The following MINPP1 variants were observed in gnomAD, a reference collection of about 807,000 sequenced individuals.
MINPP1 encodes the protein multiple inositol-polyphosphate phosphatase 1, also known as multiple inositol polyphosphate phosphatase 1.
A neutral mutation model predicts 46.1 loss-of-function variants in MINPP1; 28 were observed. That is an observed-to-expected ratio of 0.61 (90% CI 0.45 to 0.83). The LOEUF (loss-of-function observed/expected upper bound fraction) is 0.83. Among genes scored for constraint, MINPP1 ranks in the 40% least tolerant of loss-of-function variants. The pLI is 0.00. For missense variants in MINPP1, 603 were observed against 610.0 expected (o/e 0.99, Z 0.12); for synonymous variants, 268 against 249.1 (o/e 1.08, Z -0.72).
chr10:87,550,526 A>G (rs1041704959), intron 4 of MINPP1, among the ~76,000 whole-genome samples: 20 of 151,848 alleles, frequency 1.3e-4, no homozygotes, highest in Admixed American at 4.6e-4. Flanking sequence ...TTTCTAGCGT[A>G]CTCTTATATA....
Position 87,513,020 on chromosome 10 carries a change from C to A in MINPP1, c.836-104C>A. 3.8e-6 allele frequency: 3 copies of A among 788,994 alleles called. No individual in the cohort carries two copies. In the Admixed American group the frequency reaches 5.8e-5, roughly 15 times the overall value. 48.9% of individuals were successfully genotyped at this position (788,994 alleles called of 1,614,324 possible). A position where few individuals can be genotyped will look rare whatever the true frequency, so the allele number is the denominator to read the frequency against. ...TATTTCTTCCCCAAACTGAAGATGT[C>A]CATTTTATTGAGCTGTACCACACAT... is the stretch of plus-strand genomic sequence containing the variant. On this transcript the variant is annotated intron_variant, in intron 2 of 4. Transcript: ENST00000371996.
intron 4 of MINPP1, among the ~76,000 whole-genome samples, chr10:87,529,638 T>G (rs528376987): frequency 6.6e-6 from 1 of 152,246 alleles, no homozygotes; most frequent in East Asian, 1.9e-4. Context: ...CCCTTAACAT[T>G]TTTTCCTTCA....
At chr10:87,544,764 G>A (rs1427410644) in intron 4 of MINPP1, among the ~76,000 whole-genome samples, 1 of 152,064 alleles carries the variant, frequency 6.6e-6, no homozygotes, top group East Asian at 1.9e-4. Context: ...TTTATGAATA[G>A]TAATACTTTA....
chr10:87,514,090 G>A (rs905389450), intron 3 of MINPP1, among the ~76,000 whole-genome samples: 1 of 151,890 alleles, frequency 6.6e-6, no homozygotes, highest in Non-Finnish European at 1.5e-5. Flanking sequence ...TCTCCATCTC[G>A]AGATTCATAA....
chr10:87,547,186 A>C (rs1851899711), intron 4 of MINPP1, among the ~76,000 whole-genome samples: 1 of 152,022 alleles, frequency 6.6e-6, no homozygotes, highest in Non-Finnish European at 1.5e-5. Context: ...ATCTTGGCTC[A>C]CTGTGACCAC....
At chr10:87,515,180 A>G (rs1412796624) in intron 3 of MINPP1, among the ~76,000 whole-genome samples, 1 of 151,834 alleles carries the variant, frequency 6.6e-6, no homozygotes, top group African/African-American at 2.4e-5. Flanking sequence ...TGAGGTTAGG[A>G]GTTCGAGACC....
chr10:87,521,707 C>T (rs1405245626), intron 4 of MINPP1, among the ~76,000 whole-genome samples: 3 of 152,170 alleles, frequency 2.0e-5, no homozygotes, highest in East Asian at 1.9e-4. Context: ...CTACTCTTGT[C>T]AGTGGGCATT....
In MINPP1 at chr10:87,552,028, A is replaced by G. The variant is rs948547263; in HGVS notation, c.1068-54A>G. The G allele has an allele frequency of 9.5e-6, 13 of 1,363,774 alleles. 1 individual carries two copies. The highest frequency in any genetic ancestry group is 7.3e-5 in the African/African-American group (5 of 68,152). 84.5% of individuals were successfully genotyped at this position (1,363,774 alleles called of 1,614,324 possible). On this transcript the variant is annotated intron_variant, in intron 4 of 4. Transcript: ENST00000371996. ...GAAGTTACTCCTAAGTGTAAATACT[A>G]TGTTCTATGACATTAATATATATAC...
intron 4 of MINPP1, among the ~76,000 whole-genome samples, chr10:87,542,620 T>G (rs1851831894): frequency 6.6e-6 from 1 of 152,110 alleles, no homozygotes; most frequent in Non-Finnish European, 1.5e-5. Context: ...TCTTAAAGCT[T>G]CAAAACAGTT....
In MINPP1 at chr10:87,553,292, G is replaced by C. The variant is rs975191211; in HGVS notation, c.*814G>C. 4 of 151,874 alleles carry C rather than the reference G, an allele frequency of 2.6e-5. No individual in the cohort carries two copies. Among genetic ancestry groups the C allele is most frequent in the African/African-American group, 9.7e-5 (4 of 41,358 alleles). 9.4% of individuals were successfully genotyped at this position (151,874 alleles called of 1,614,324 possible). Reference sequence around the variant, plus strand: ...CCTATTATATGAAATGTATCTTTTGGTTGTTTGATTTTTCTTTCTTTCTTT... The same window carrying C: ...CCTATTATATGAAATGTATCTTTTGCTTGTTTGATTTTTCTTTCTTTCTTT... On this transcript the variant is annotated 3_prime_UTR_variant, in exon 5 of 5. Coordinates refer to ENST00000371996, the MANE Select transcript of MINPP1 (RefSeq NM_004897.5).
At chr10:87,530,468 T>C (rs924233357) in intron 4 of MINPP1, among the ~76,000 whole-genome samples, 1 of 152,202 alleles carries the variant, frequency 6.6e-6, no homozygotes, top group African/African-American at 2.4e-5. Context: ...TGGAGTTTGC[T>C]GGAGGTCCAC....
rs144510057 is a variant in MINPP1 at position 87,523,343 on chromosome 10, A to T, written c.1067+2174A>T. Reference sequence around the variant, plus strand: ...CTTAAATAAATAATATTTCTCTGTCATATGAAATTTCTGTTTTTTTTTTTT... The same window carrying T: ...CTTAAATAAATAATATTTCTCTGTCTTATGAAATTTCTGTTTTTTTTTTTT... On this transcript the variant is annotated intron_variant, in intron 4 of 4. Transcript: ENST00000371996. Among the ~76,000 whole-genome samples the T allele has an allele frequency of 3.3e-3, 489 of 146,922 alleles. 3 individuals carry two copies. The highest frequency in any genetic ancestry group is 0.012 in the African/African-American group (450 of 38,476).
chr10:87,521,915 G>T (rs193180839), intron 4 of MINPP1, among the ~76,000 whole-genome samples: 1 of 152,188 alleles, frequency 6.6e-6, no homozygotes, highest in East Asian at 1.9e-4. Flanking sequence ...AAACTTCTGG[G>T]CTCAAGGAAT....
At chr10:87,535,354 C>T (rs1851718875) in intron 4 of MINPP1, among the ~76,000 whole-genome samples, 2 of 152,200 alleles carry the variant, frequency 1.3e-5, no homozygotes, top group South Asian at 4.1e-4. Context: ...CATGTAAAGA[C>T]ACATTTATCT....
In MINPP1 at chr10:87,504,949, T is replaced by A. The variant is rs747880842; in HGVS notation, c.34T>A (p.Ser12Thr). The A allele has an allele frequency of 8.7e-6, 14 of 1,611,522 alleles. No individual in the cohort carries two copies. The highest frequency in any genetic ancestry group is 1.7e-5 in the Admixed American group (1 of 59,920). Residue 12 changes from serine (S) to threonine (T), a missense_variant, in exon 1 of 5, where the codon TCC becomes ACC. Ser to Thr is a moderately conservative substitution (Grantham distance 58). Coordinates refer to ENST00000371996, the MANE Select transcript of MINPP1 (RefSeq NM_004897.5). The stretch of plus-strand genomic sequence containing the variant: ...CGCGCCCGGCTGCCTCCTCCGGACC[T>A]CCGTAGCGCCTGCCGCGGCCCTGGC... Reference protein sequence around the residue: ...LRAPGCLLRTSVAPAAALAAA... With the variant: ...LRAPGCLLRTTVAPAAALAAA...
At chr10:87,539,017 T>G (rs1176091578) in intron 4 of MINPP1, among the ~76,000 whole-genome samples, 2 of 152,208 alleles carry the variant, frequency 1.3e-5, no homozygotes, top group African/African-American at 4.8e-5. Context: ...ATTTTAGACT[T>G]AAACTTTGTT....
At chr10:87,515,666 C>T (rs2131808652) in intron 3 of MINPP1, among the ~76,000 whole-genome samples, 1 of 151,998 alleles carries the variant, frequency 6.6e-6, no homozygotes, top group Non-Finnish European at 1.5e-5. Context: ...AAAATGATAC[C>T]TGGGATTTGC....
intron 3 of MINPP1, among the ~76,000 whole-genome samples, chr10:87,515,956 G>A (rs1402999685): frequency 6.6e-6 from 1 of 151,152 alleles, no homozygotes; most frequent in East Asian, 1.9e-4. Context: ...AGCCTCCCCA[G>A]TAGCTGGGAT....
At chr10:87,507,560 A>G (rs973773208) in intron 1 of MINPP1, among the ~76,000 whole-genome samples, 3 of 152,298 alleles carry the variant, frequency 2.0e-5, no homozygotes, top group African/African-American at 7.2e-5. Flanking sequence ...TATTTTATGT[A>G]CAAAAATGAT....
Sources: gnomAD v4.1 joint callset for allele counts (sites outside exome capture counted in the v4.1 genomes callset) on GRCh38, gnomAD v4.1.1 for gene constraint, MANE v1.5 for transcripts, NCBI Gene and HGNC (gene_info 2026-07-23, HGNC 2026-07-21) for gene names.